CHL1: variants seen among roughly 807,000 people sequenced by gnomAD.
The protein encoded by CHL1 is cell adhesion molecule L1 like.
In CHL1, 96 loss-of-function variants were observed where a neutral mutation model predicts 141.9. The ratio of observed to expected loss-of-function variants is 0.68; its 90% CI spans 0.57 to 0.80. The LOEUF (loss-of-function observed/expected upper bound fraction) is 0.80. CHL1 is among the 30% of genes least tolerant of loss of function. The probability of loss-of-function intolerance (pLI) is 0.00; values close to 1 mark genes in which losing one functional copy is unlikely to be tolerated. For missense variants in CHL1, 1,820 were observed against 1,457.2 expected (o/e 1.25, Z -4.05); for synonymous variants, 613 against 502.2 (o/e 1.22, Z -2.95).
intron 1 of CHL1, among the ~76,000 whole-genome samples, chr3:203,426 G>T (rs1699129441): frequency 6.6e-6 from 1 of 152,242 alleles, no homozygotes; most frequent in Non-Finnish European, 1.5e-5. Flanking sequence ...GTTCTTGAAA[G>T]ACATATCTTC....
intron 27 of CHL1, among the ~76,000 whole-genome samples, chr3:402,719 T>A (rs919761826): frequency 1.3e-5 from 2 of 152,220 alleles, no homozygotes; most frequent in Non-Finnish European, 2.9e-5. Flanking sequence ...GTATTCTACT[T>A]AGTCAATACC....
chr3:384,295 A>G (rs917381259), intron 19 of CHL1: 1 of 153,172 alleles, frequency 6.5e-6, no homozygotes, highest in Admixed American at 6.5e-5. Context: ...ATTAAACACC[A>G]GTAGACATTT....
chr3:352,551 A>G (rs1703359162), intron 10 of CHL1, among the ~76,000 whole-genome samples: 1 of 152,150 alleles, frequency 6.6e-6, no homozygotes, highest in Non-Finnish European at 1.5e-5. Context: ...ATGTCTTAGG[A>G]TAATAGATAA....
At chr3:336,366 G>C (rs1259322587) in intron 5 of CHL1, among the ~76,000 whole-genome samples, 1 of 152,020 alleles carries the variant, frequency 6.6e-6, no homozygotes, top group Non-Finnish European at 1.5e-5. Flanking sequence ...AGTGTTTTTT[G>C]GTTTTTGTTT....
At chr3:324,303 T>C (rs899873440) in intron 3 of CHL1, among the ~76,000 whole-genome samples, 2 of 152,096 alleles carry the variant, frequency 1.3e-5, no homozygotes, top group African/African-American at 4.8e-5. Context: ...GTCTCCAAAT[T>C]GCTTTTCTCA....
At chr3:331,504 A>G (rs1701436033) in intron 5 of CHL1, among the ~76,000 whole-genome samples, 1 of 152,108 alleles carries the variant, frequency 6.6e-6, no homozygotes, top group Non-Finnish European at 1.5e-5. Flanking sequence ...AGTGTCCCAA[A>G]GTGCTGGGAT....
At chr3:308,232 A>G (rs1699419002) in intron 2 of CHL1, among the ~76,000 whole-genome samples, 1 of 152,226 alleles carries the variant, frequency 6.6e-6, no homozygotes, top group African/African-American at 2.4e-5. Context: ...TCTTTTGTGG[A>G]CATATGTATG....
chr3:218,386 G>T (rs1009407081), intron 1 of CHL1, among the ~76,000 whole-genome samples: 1 of 152,140 alleles, frequency 6.6e-6, no homozygotes. Context: ...CATGATAATG[G>T]TATCAAATGG....
intron 11 of CHL1, among the ~76,000 whole-genome samples, chr3:355,203 C>G (rs1164027477): frequency 6.6e-6 from 1 of 152,136 alleles, no homozygotes; most frequent in Non-Finnish European, 1.5e-5. Flanking sequence ...TTTTAAGGGA[C>G]TTGCTCTGAT....
intron 2 of CHL1, among the ~76,000 whole-genome samples, chr3:268,374 A>T (rs1163183516): frequency 6.6e-6 from 1 of 151,930 alleles, no homozygotes; most frequent in Non-Finnish European, 1.5e-5. Flanking sequence ...TCTCTACTAA[A>T]AAATACAAAA....
chr3:228,159 G>A (rs980644565), intron 1 of CHL1, among the ~76,000 whole-genome samples: 1 of 152,160 alleles, frequency 6.6e-6, no homozygotes, highest in African/African-American at 2.4e-5. Context: ...AATGTTATTG[G>A]AATGTATAGT....
rs772126448 is a variant in CHL1, at chr3:399,045, C to T, written c.3282C>T (p.Ser1094=). 1.9e-6 allele frequency: 3 copies of T among 1,612,730 alleles called. No homozygotes were observed. Among genetic ancestry groups the T allele is most frequent in the Non-Finnish European group, 8.5e-7 (1 of 1,178,752 alleles). ...REYAGLYDDI[S]TQGWFIGLMC... ...ATGCTGGTTTATATGATGACATCTC[C>T]ACTCAAGGCTGGTTTATTGGACTGA... Residue 1094 remains serine (S), a synonymous_variant, in exon 26 of 28, where the codon TCC becomes TCT. Transcript: ENST00000256509.
At position 382,473 on chromosome 3, in the gene CHL1, G is replaced by C. The variant is rs1215912526; in HGVS notation, c.1979-1G>C. The C allele has an allele frequency of 1.9e-6, 3 of 1,610,386 alleles. No individual in the cohort carries two copies. Among genetic ancestry groups the C allele is most frequent in the Non-Finnish European group, 2.5e-6 (3 of 1,176,902 alleles). On this transcript the variant is annotated splice_acceptor_variant, in intron 17 of 27. Transcript: ENST00000256509. LOFTEE classifies it high-confidence loss of function. ...TATTTTTTCCCTGTTTATACTACCA[G>C]AGTATATTGTTGAATTTGAAGGAAA...
intron 2 of CHL1, among the ~76,000 whole-genome samples, chr3:278,795 C>T (rs1559372418): frequency 6.6e-6 from 1 of 152,184 alleles, no homozygotes; most frequent in African/African-American, 2.4e-5. Context: ...TTCTGAATGG[C>T]AGTCTGCACA....
At chr3:265,146 G>A (rs998140001) in intron 2 of CHL1, among the ~76,000 whole-genome samples, 4 of 152,238 alleles carry the variant, frequency 2.6e-5, no homozygotes, top group South Asian at 2.1e-4. Flanking sequence ...TTTAATTAAC[G>A]GGTAGCTAAG....
chr3:298,611 T>C (rs1698424759), intron 2 of CHL1, among the ~76,000 whole-genome samples: 1 of 152,214 alleles, frequency 6.6e-6, no homozygotes, highest in South Asian at 2.1e-4. Flanking sequence ...AGGGACTGTC[T>C]CTAAATGCCA....
In CHL1 at chr3:199,212, T is replaced by C. The variant is rs1274351433; in HGVS notation, c.-175+2149T>C. Among the ~76,000 whole-genome samples, 18 of 152,364 alleles carry C rather than the reference T, an allele frequency of 1.2e-4. No homozygotes were observed. In the South Asian group the frequency reaches 1.2e-3, roughly 11 times the overall value. ...GCAGAACGTAGTGTATAATCATTCC[T>C]TGCAAGCTCCTGAATATTGTGAGCA... On this transcript the variant is annotated intron_variant, in intron 1 of 27. Coordinates refer to ENST00000256509, the MANE Select transcript of CHL1 (RefSeq NM_006614.4).
intron 15 of CHL1, among the ~76,000 whole-genome samples, chr3:371,210 G>GTC (rs2125325368): frequency 6.6e-6 from 1 of 152,268 alleles, no homozygotes; most frequent in African/African-American, 2.4e-5. Flanking sequence ...GGTTGTTAAA[G>GTC]TCTCCCACTA....
intron 2 of CHL1, among the ~76,000 whole-genome samples, chr3:252,681 C>A (rs1343946287): frequency 6.6e-6 from 1 of 151,804 alleles, no homozygotes; most frequent in African/African-American, 2.4e-5. Flanking sequence ...AAGGAAGAAC[C>A]TACCCAATCA....
Sources: allele counts gnomAD v4.1 joint callset (sites outside exome capture counted in the v4.1 genomes callset), GRCh38; gene constraint gnomAD v4.1.1; transcripts MANE v1.5; gene names NCBI Gene and HGNC (gene_info 2026-07-23, HGNC 2026-07-21).